LRGUK: variants seen among roughly 807,000 people sequenced by gnomAD.
LRGUK encodes leucine-rich repeat and guanylate kinase domain-containing protein.
A neutral mutation model predicts 76.0 loss-of-function variants in LRGUK; 65 were observed. The observed-to-expected ratio is 0.85, with a 90% CI of 0.70 to 1.05. The LOEUF (loss-of-function observed/expected upper bound fraction) is 1.05, where lower values mean the gene tolerates loss of function less well. Ranked by LOEUF, LRGUK falls within the 50% of genes least tolerant of loss-of-function variation. The pLI is 0.00. For synonymous variants in LRGUK, 268 were observed against 265.6 expected (o/e 1.01, Z -0.09); for missense variants, 758 against 732.8 (o/e 1.03, Z -0.40).
intron 6 of LRGUK, among the ~76,000 whole-genome samples, chr7:134,160,154 A>C (rs568117226): frequency 1.3e-5 from 2 of 151,756 alleles, no homozygotes; most frequent in East Asian, 1.9e-4. Context: ...CATGGTAAAC[A>C]GACAAAGATA....
At chr7:134,218,844 C>G (rs1357209511) in intron 15 of LRGUK, among the ~76,000 whole-genome samples, 2 of 152,016 alleles carry the variant, frequency 1.3e-5, no homozygotes, top group African/African-American at 2.4e-5. Flanking sequence ...AAGATCTAAG[C>G]CATTTAGAAG....
intron 4 of LRGUK, among the ~76,000 whole-genome samples, chr7:134,146,108 A>T (rs1463964189): frequency 6.6e-6 from 1 of 152,044 alleles, no homozygotes; most frequent in East Asian, 1.9e-4. Flanking sequence ...ACCCTGCCTC[A>T]ACTAGAAATA....
chr7:134,217,700 G>A (rs771815778), intron 15 of LRGUK, among the ~76,000 whole-genome samples: 27 of 152,176 alleles, frequency 1.8e-4, no homozygotes, highest in Non-Finnish European at 3.5e-4. Context: ...ACTTCTTAAT[G>A]AACTAAACTT....
downstream of LRGUK, among the ~76,000 whole-genome samples, chr7:134,214,063 C>T (rs1435914313): frequency 2.0e-5 from 3 of 152,198 alleles, no homozygotes; most frequent in Non-Finnish European, 2.9e-5. Flanking sequence ...TGAAAGCCTT[C>T]CTCAAATATT....
chr7:134,143,199 G>C, intron 4 of LRGUK, 37 bp downstream of exon 4: 1 of 1,205,612 alleles, frequency 8.3e-7, no homozygotes, highest in African/African-American at 1.5e-5. Flanking sequence ...ACATTAAGGG[G>C]TTTGCAAAAG....
intron 9 of LRGUK, 86 bp from the exon 10 acceptor site, chr7:134,178,417 A>G (rs1480782101): frequency 4.2e-6 from 4 of 955,534 alleles, no homozygotes; most frequent in Non-Finnish European, 6.3e-6. Context: ...CACGTGAACA[A>G]CATTTCATTA....
exon 20 of LRGUK, chr7:134,264,057 A>G: frequency 7.1e-7 from 1 of 1,415,006 alleles, no homozygotes; most frequent in Non-Finnish European, 9.4e-7. Flanking sequence ...CCATGGGTCC[A>G]GCTGTTTCTC....
intron 12 of LRGUK, among the ~76,000 whole-genome samples, chr7:134,194,932 C>A (rs538417981): frequency 6.2e-4 from 95 of 152,272 alleles, no homozygotes; most frequent in African/African-American, 2.2e-3. Flanking sequence ...GCCAGCTGTG[C>A]AGGAGACCAC....
chr7:134,183,778 C>T, exon 11 of LRGUK: 1 of 1,614,046 alleles, frequency 6.2e-7, no homozygotes. Context: ...CTGATACTAG[C>T]TGGTCCTGAA....
At chr7:134,174,210 G>A (rs1011057912) in intron 7 of LRGUK, among the ~76,000 whole-genome samples, 6 of 152,044 alleles carry the variant, frequency 3.9e-5, no homozygotes, top group Non-Finnish European at 8.8e-5. Flanking sequence ...ATGGCGGTGG[G>A]GTGGGTAACC....
At chr7:134,205,127 T>A (rs1226287564) in intron 15 of LRGUK, among the ~76,000 whole-genome samples, 1 of 152,170 alleles carries the variant, frequency 6.6e-6, no homozygotes, top group African/African-American at 2.4e-5. Context: ...CCCTTATTTG[T>A]CCAGGGAATG....
downstream of LRGUK, among the ~76,000 whole-genome samples, chr7:134,266,362 T>A (rs1028991861): frequency 6.6e-6 from 1 of 152,218 alleles, no homozygotes; most frequent in African/African-American, 2.4e-5. Context: ...ATAAAAATGC[T>A]TCAACAAGCA....
chr7:134,233,895 C>T lies in LRGUK; in HGVS notation c.1983+11977C>T, dbSNP rs577836770. ...AAAGCTTGTCCAACCCACAGCCTGC[C>T]GGCCACATGTGGTTGAGGACAGCTT... On this transcript the variant is annotated intron_variant, in intron 16 of 19. Coordinates refer to the LRGUK transcript ENST00000285928. Among the ~76,000 whole-genome samples, 9 of 152,270 alleles carry T rather than the reference C, an allele frequency of 5.9e-5. No homozygotes were observed. In the South Asian group the frequency reaches 1.0e-3, roughly 18 times the overall value.
chr7:134,194,686 A>G (rs1800408359), intron 12 of LRGUK, among the ~76,000 whole-genome samples: 1 of 152,138 alleles, frequency 6.6e-6, no homozygotes, highest in African/African-American at 2.4e-5. Context: ...GGCTGCAGTG[A>G]GTTATGATTG....
Position 134,137,132 on chromosome 7 carries a change from T to A in LRGUK, c.405+2T>A, listed in dbSNP as rs1170302115. The A allele has an allele frequency of 6.2e-7, 1 of 1,603,234 alleles. No individual in the cohort carries two copies. The highest frequency in any genetic ancestry group is 2.2e-5 in the East Asian group (1 of 44,824). On this transcript the variant is annotated splice_donor_variant, in intron 2 of 15. Coordinates refer to ENST00000645682, the Ensembl canonical transcript of LRGUK. LOFTEE classifies it high-confidence loss of function. ...GTCTACCTCAATCTAACTTTATCAG[T>A]GAGTATGACAAAATCTCCATTGGCT... is the stretch of plus-strand genomic sequence containing the variant.
At chr7:134,239,775 G>A (rs1380917980) in intron 16 of LRGUK, among the ~76,000 whole-genome samples, 1 of 152,224 alleles carries the variant, frequency 6.6e-6, no homozygotes, top group Non-Finnish European at 1.5e-5. Flanking sequence ...TGACCCCCGA[G>A]TAGCCTAACT....
chr7:134,249,685 T>C (rs1320990335), intron 18 of LRGUK, among the ~76,000 whole-genome samples: 1 of 152,166 alleles, frequency 6.6e-6, no homozygotes, highest in Non-Finnish European at 1.5e-5. Flanking sequence ...GTCTCAGTGT[T>C]TAATATGTCA....
At chr7:134,230,237 C>A (rs894585074) in intron 16 of LRGUK, among the ~76,000 whole-genome samples, 1 of 152,034 alleles carries the variant, frequency 6.6e-6, no homozygotes, top group South Asian at 2.1e-4. Context: ...ATCCAGATAG[C>A]CCATATTCTT....
intron 16 of LRGUK, among the ~76,000 whole-genome samples, chr7:134,241,888 A>T (rs1025564232): frequency 2.6e-5 from 4 of 152,266 alleles, no homozygotes; most frequent in African/African-American, 9.6e-5. Flanking sequence ...ACTAGAGCTC[A>T]GGATTAAGAA....
Sources: allele counts gnomAD v4.1 joint callset (sites outside exome capture counted in the v4.1 genomes callset), GRCh38; gene constraint gnomAD v4.1.1; transcripts MANE v1.5; gene names NCBI Gene and HGNC (gene_info 2026-07-23, HGNC 2026-07-21).